Variants in IFTAP observed in about 807,000 individuals in gnomAD.
IFTAP encodes the protein intraflagellar transport associated protein.
In IFTAP, 19 loss-of-function variants were observed where a neutral mutation model predicts 19.4. The observed-to-expected ratio is 0.98, with a 90% confidence interval of 0.68 to 1.44. The LOEUF is 1.44. IFTAP is among the 40% of genes most tolerant of loss of function. The pLI, the probability that IFTAP is intolerant of heterozygous loss-of-function variation, is 0.00. For missense variants in IFTAP, 240 were observed against 253.6 expected, an observed-to-expected ratio of 0.95 and a Z score of 0.36; for synonymous variants, 85 against 83.5, an observed-to-expected ratio of 1.02 and a Z score of -0.10.
In IFTAP at chr11:36,659,190, A is replaced by G; in HGVS notation, c.*4A>G. ...CTTAGAGAAATCCTGTGACTGATTC[A>G]CAGAGGCATTTTGTGTGTGTGTGCT... On this transcript the variant is annotated 3_prime_UTR_variant, in exon 6 of 6. Transcript: ENST00000334307. The G allele has an allele frequency of 6.4e-7, 1 of 1,567,842 alleles. No individual in the cohort carries two copies. The highest frequency in any genetic ancestry group is 1.2e-5 in the South Asian group (1 of 81,750).
At chr11:36,637,007 G>A (rs987889494) in intron 4 of IFTAP, among the ~76,000 whole-genome samples, 1 of 151,872 alleles carries the variant, frequency 6.6e-6, no homozygotes, top group Non-Finnish European at 1.5e-5. Context: ...TACAGAAGGG[G>A]CAGTTTCCAC....
At chr11:36,621,203 AGT>A (rs1224809202) in intron 2 of IFTAP, among the ~76,000 whole-genome samples, 1 of 152,066 alleles carries the variant, frequency 6.6e-6, no homozygotes, top group Non-Finnish European at 1.5e-5. Context: ...GTCATAAGAC[AGT>A]GTCCTTTGAT....
At chr11:36,602,895 T>C (rs1235730154) in intron 1 of IFTAP, among the ~76,000 whole-genome samples, 1 of 152,124 alleles carries the variant, frequency 6.6e-6, no homozygotes, top group Non-Finnish European at 1.5e-5. Context: ...AACAATGGAT[T>C]TCCTGAGATT....
chr11:36,642,424 A>G (rs900641642), intron 4 of IFTAP, among the ~76,000 whole-genome samples: 1 of 152,204 alleles, frequency 6.6e-6, no homozygotes, highest in African/African-American at 2.4e-5. Context: ...ATTCTACCAG[A>G]GGTACGAGGA....
At chr11:36,629,006 A>G (rs1311924293) in intron 2 of IFTAP, among the ~76,000 whole-genome samples, 2 of 151,330 alleles carry the variant, frequency 1.3e-5, no homozygotes, top group Non-Finnish European at 2.9e-5. Flanking sequence ...TAGACAAAGC[A>G]TTTGTCTGCC....
chr11:36,624,837 G>A (rs919160545), intron 2 of IFTAP, among the ~76,000 whole-genome samples: 2 of 142,888 alleles, frequency 1.4e-5, no homozygotes, highest in African/African-American at 5.4e-5. Flanking sequence ...ACTTTGTGGA[G>A]CAAGGTCATA....
intron 4 of IFTAP, among the ~76,000 whole-genome samples, chr11:36,643,162 A>G (rs12277310): frequency 0.14 from 20,618 of 152,260 alleles, 2,142 homozygotes; most frequent in African/African-American, 0.29. Context: ...GTCTCAGGAT[A>G]CAAAATCAAT....
Position 36,600,549 on chromosome 11 carries a change from T to C in IFTAP, c.-24+5957T>C, listed in dbSNP as rs11033706. On this transcript the variant is annotated intron_variant, in intron 1 of 5. Coordinates refer to ENST00000334307, the MANE Select transcript of IFTAP (RefSeq NM_138787.4). ...CATCCTGAAACTGTCCCCCTCACTC[T>C]GGTCCATGGAAAAATTGTCCTCCAC... is the stretch of plus-strand genomic sequence containing the variant. Among the ~76,000 whole-genome samples, 4 of 152,310 alleles carry C rather than the reference T, an allele frequency of 2.6e-5. No individual in the cohort carries two copies. In the East Asian group the frequency reaches 7.7e-4, roughly 29 times the overall value.
At chr11:36,624,647 GAT>G (rs1360627352) in intron 2 of IFTAP, among the ~76,000 whole-genome samples, 1 of 152,174 alleles carries the variant, frequency 6.6e-6, no homozygotes, top group African/African-American at 2.4e-5. Context: ...GTGCTTCCTT[GAT>G]ATGGTAGCTG....
intron 1 of IFTAP, among the ~76,000 whole-genome samples, chr11:36,595,589 C>A (rs1851187615): frequency 6.6e-6 from 1 of 152,348 alleles, no homozygotes. Context: ...CCTGGCTCTG[C>A]CACTAACTAC....
At chr11:36,629,342 A>G (rs1191312794) in intron 2 of IFTAP, among the ~76,000 whole-genome samples, 1 of 151,294 alleles carries the variant, frequency 6.6e-6, no homozygotes, top group Non-Finnish European at 1.5e-5. Flanking sequence ...TTGTCCCCCT[A>G]TGAATTTTTC....
chr11:36,641,561 A>G (rs925850977), intron 4 of IFTAP, among the ~76,000 whole-genome samples: 1 of 152,208 alleles, frequency 6.6e-6, no homozygotes, highest in Non-Finnish European at 1.5e-5. Flanking sequence ...CAGGTTGTTC[A>G]GTTTCCATGT....
chr11:36,599,024 C>T (rs1037228748), intron 1 of IFTAP, among the ~76,000 whole-genome samples: 28 of 152,202 alleles, frequency 1.8e-4, no homozygotes, highest in African/African-American at 6.0e-4. Context: ...GATGGAGTCC[C>T]GCTCTGTCTC....
chr11:36,632,806 G>A (rs1852777276), intron 2 of IFTAP, among the ~76,000 whole-genome samples: 1 of 151,206 alleles, frequency 6.6e-6, no homozygotes, highest in Admixed American at 6.6e-5. Context: ...AGAAGTGCAT[G>A]GATACGTAAA....
intron 2 of IFTAP, among the ~76,000 whole-genome samples, chr11:36,622,081 C>CTTTTT (rs1565015050): frequency 1.6e-5 from 2 of 127,100 alleles, no homozygotes; most frequent in East Asian, 2.5e-4. Flanking sequence ...AGCTCTTGTT[C>CTTTTT]TATTTTTTAT....
intron 4 of IFTAP, among the ~76,000 whole-genome samples, chr11:36,639,100 C>G (rs950207181): frequency 6.6e-6 from 1 of 152,164 alleles, no homozygotes; most frequent in African/African-American, 2.4e-5. Flanking sequence ...CTGGCCCATA[C>G]TTTTACCCAG....
intron 2 of IFTAP, among the ~76,000 whole-genome samples, chr11:36,619,392 G>T (rs1852216293): frequency 1.3e-5 from 2 of 151,886 alleles, no homozygotes; most frequent in Non-Finnish European, 2.9e-5. Context: ...TTCCATGAGG[G>T]TGCAAAGAGA....
At chr11:36,650,027 T>C (rs1853648541) in intron 5 of IFTAP, among the ~76,000 whole-genome samples, 1 of 152,112 alleles carries the variant, frequency 6.6e-6, no homozygotes, top group South Asian at 2.1e-4. Flanking sequence ...GTATATATTC[T>C]GCAACCCTTC....
At position 36,648,076 on chromosome 11, in the gene IFTAP, T is replaced by C. The variant is rs1367819602; in HGVS notation, c.419T>C (p.Ile140Thr). The change falls in exon 5 of 6, where the codon ATC (isoleucine) becomes ACC (threonine). Residue 140 changes from isoleucine to threonine, a missense_variant. Coordinates refer to ENST00000334307, the MANE Select transcript of IFTAP (RefSeq NM_138787.4). ...QDVSTSIPSC[I>T]PFVAQPPTCE... is the part of the protein sequence containing the mutation. ...GTAAGCACCAGCATTCCTTCCTGTA[T>C]CCCTTTTGTGGCCCAGCCTCCTACC... 1.2e-6 allele frequency: 2 copies of C among 1,613,328 alleles called. No homozygotes were observed. Among genetic ancestry groups the C allele is most frequent in the East Asian group, 4.5e-5 (2 of 44,872 alleles).
Sources: gnomAD v4.1 joint callset for allele counts (sites outside exome capture counted in the v4.1 genomes callset) on GRCh38, gnomAD v4.1.1 for gene constraint, MANE v1.5 for transcripts, NCBI Gene and HGNC (gene_info 2026-07-23, HGNC 2026-07-21) for gene names.